METTL25B: variants seen among roughly 807,000 people sequenced by gnomAD.
METTL25B encodes methyltransferase like 25B, also known as methyltransferase-like protein 25B.
METTL25B carries 38 observed loss-of-function variants against 48.4 expected under a neutral mutation model. That is an observed-to-expected ratio of 0.78 (90% CI 0.61 to 1.03). The LOEUF (loss-of-function observed/expected upper bound fraction) is 1.03. Among genes scored for constraint, METTL25B ranks in the 50% least tolerant of loss-of-function variants. METTL25B has a pLI of 0.00. For synonymous variants in METTL25B, 230 were observed against 254.5 expected (o/e 0.90, Z 0.92); for missense variants, 537 against 603.7 (o/e 0.89, Z 1.16).
chr1:156,734,566 C>G lies in METTL25B; in HGVS notation c.1121+73C>G, dbSNP rs1649583736. Reference sequence around the variant, plus strand: ...TTTTTTTTTGAGATGGAGTCTGGCTCTGTTGCCCAGGCTGGAGTGCAGTGG... The same window carrying G: ...TTTTTTTTTGAGATGGAGTCTGGCTGTGTTGCCCAGGCTGGAGTGCAGTGG... On this transcript the variant is annotated intron_variant, in intron 6 of 7. Transcript: ENST00000368216. 41 of 1,436,590 alleles carry G rather than the reference C, an allele frequency of 2.9e-5. No individual in the cohort carries two copies. In the South Asian group the frequency reaches 5.8e-4, roughly 20 times the overall value. The allele number at this position is 1,436,590 out of a possible 1,614,324, so 89.0% of individuals were successfully genotyped here.
At position 156,734,061 on chromosome 1, in the gene METTL25B, A is replaced by T; in HGVS notation, c.689A>T (p.Asp230Val). ...HSPHHVVRWV[D>V]PTALCEELLL... ...CCACACCACGTGGTTAGGTGGGTAG[A>T]CCCCACAGCCCTGTGTGAGGAGCTT... The change falls in exon 6 of 8, where the codon GAC (aspartate) becomes GTC (valine). Residue 230 changes from aspartate (D) to valine (V), a missense_variant. Asp to Val is a radical substitution (Grantham distance 152, BLOSUM62 -3). Coordinates refer to ENST00000368216, the MANE Select transcript of METTL25B (RefSeq NM_015997.4). 6.2e-7 allele frequency: 1 copy of T among 1,613,686 alleles called. No homozygotes were observed. Among genetic ancestry groups the T allele is most frequent in the South Asian group, 1.1e-5 (1 of 91,044 alleles).
Position 156,729,044 on chromosome 1 carries a change from A to T in METTL25B, c.-61A>T. Reference sequence around the variant, plus strand: ...CGTCCGGGTCCTGGACCCGCGTAGTACTGACCCTGGATCCCTGTTCACTGC... The same window carrying T: ...CGTCCGGGTCCTGGACCCGCGTAGTTCTGACCCTGGATCCCTGTTCACTGC... On this transcript the variant is annotated 5_prime_UTR_variant, in exon 1 of 8. Transcript: ENST00000368216. 1.0e-6 allele frequency: 1 copy of T among 985,934 alleles called. No homozygotes were observed. The highest frequency in any genetic ancestry group is 1.6e-6 in the Non-Finnish European group (1 of 643,114). The allele number at this position is 985,934 out of a possible 1,614,324, so 61.1% of individuals were successfully genotyped here.
intron 4 of METTL25B, 80 bp from the exon 5 acceptor site, chr1:156,733,297 G>T: frequency 6.6e-7 from 1 of 1,523,528 alleles, no homozygotes; most frequent in Non-Finnish European, 9.0e-7. Context: ...CTGGGACCCA[G>T]GTGTCCAGGT....
At chr1:156,730,469 A>T (rs770308681) in intron 1 of METTL25B, among the ~76,000 whole-genome samples, 6 of 152,132 alleles carry the variant, frequency 3.9e-5, no homozygotes, top group Non-Finnish European at 7.4e-5. Flanking sequence ...CACACCTGTA[A>T]TCCTAGCACT....
At chr1:156,730,017 T>G (rs1649131119) in intron 1 of METTL25B, among the ~76,000 whole-genome samples, 1 of 152,182 alleles carries the variant, frequency 6.6e-6, no homozygotes, top group Non-Finnish European at 1.5e-5. Flanking sequence ...TGTCCCCACC[T>G]CCGTTGCTGC....
Position 156,729,036 on chromosome 1 carries a change from C to T in METTL25B, c.-69C>T, listed in dbSNP as rs150243672. The T allele has an allele frequency of 5.3e-4, 456 of 861,184 alleles. 2 individuals are homozygous for T. The East Asian group carries it at 0.013, about 24-fold the overall frequency. 53.3% of individuals were successfully genotyped at this position (861,184 alleles called of 1,614,324 possible). The stretch of plus-strand genomic sequence containing the variant: ...TTGAGCCCCGTCCGGGTCCTGGACC[C>T]GCGTAGTACTGACCCTGGATCCCTG... On this transcript the variant is annotated 5_prime_UTR_variant, in exon 1 of 8. Transcript: ENST00000368216.
chr1:156,731,874 G>C lies in METTL25B; in HGVS notation c.112-117G>C, dbSNP rs1649319754. The stretch of plus-strand genomic sequence containing the variant: ...AGGTACCTGCCAGTTACAGGCAGTG[G>C]CCCTATGTGGCAGCAGTGCTGGGAA... On this transcript the variant is annotated intron_variant, in intron 1 of 7. Transcript: ENST00000368216. The C allele has an allele frequency of 2.3e-6, 3 of 1,319,680 alleles. No individual in the cohort carries two copies. In the African/African-American group the frequency reaches 4.3e-5, roughly 19 times the overall value. 81.7% of individuals were successfully genotyped at this position (1,319,680 alleles called of 1,614,324 possible). A position where few individuals can be genotyped will look rare whatever the true frequency, so the allele number is the denominator to read the frequency against.
chr1:156,728,659 C>T lies in METTL25B; in HGVS notation c.-446C>T, dbSNP rs906579883. ...GGGGGCGGGATGCGCTCCCCGGCCC[C>T]TCTAGCCCCGTGGTGGTACAACGCG... is the stretch of plus-strand genomic sequence containing the variant. On this transcript the variant is annotated 5_prime_UTR_variant, in exon 1 of 8. Transcript: ENST00000368216. 4.1e-6 allele frequency: 4 copies of T among 986,768 alleles called. No homozygotes were observed. The highest frequency in any genetic ancestry group is 3.5e-5 in the African/African-American group (2 of 57,256). The allele number at this position is 986,768 out of a possible 1,614,324, so 61.1% of individuals were successfully genotyped here.
Position 156,732,373 on chromosome 1 carries a change from C to T in METTL25B, c.329C>T (p.Ser110Leu), listed in dbSNP as rs1432014517. The change falls in exon 3 of 8, where the codon TCA becomes TTA. Residue 110 changes from serine (S) to leucine (L), a missense_variant. By Grantham distance (145) the Ser-to-Leu change is moderately radical. Coordinates refer to ENST00000368216, the MANE Select transcript of METTL25B (RefSeq NM_015997.4). ...FTRMPGFQTPSEFLENPSQSS... is the reference protein window; with the variant it reads ...FTRMPGFQTPLEFLENPSQSS... ...CGGATGCCTGGCTTTCAGACCCCCTCAGAATTCCTGGAGAACCCCAGCCAG... is the reference window on the plus strand; with the variant it reads ...CGGATGCCTGGCTTTCAGACCCCCTTAGAATTCCTGGAGAACCCCAGCCAG... 1.9e-6 allele frequency: 3 copies of T among 1,614,074 alleles called. No homozygotes were observed. Among genetic ancestry groups the T allele is most frequent in the Non-Finnish European group, 1.7e-6 (2 of 1,180,054 alleles).
intron 2 of METTL25B, 62 bp downstream of exon 2, chr1:156,732,177 T>C (rs1649352649): frequency 6.2e-7 from 1 of 1,610,384 alleles, no homozygotes. Flanking sequence ...AGTGAGCATA[T>C]TGCTCAGAGA....
At chr1:156,733,875 T>TCC (rs1649494901) in intron 5 of METTL25B, 134 bp from the exon 6 acceptor site, 1 of 1,269,312 alleles carries the variant, frequency 7.9e-7, no homozygotes, top group South Asian at 1.4e-5. Context: ...GTCCAGCCCC[T>TCC]CCCGCACCCA....
rs528055334 is a variant in METTL25B at position 156,733,516 on chromosome 1, C to G, written c.632C>G (p.Pro211Arg). Reference sequence around the variant, plus strand: ...CTGGAGAAAGAGGAGAAGAGGAACCCGCAGGTAGGCCAACCCTTCCTGCGA... The same window carrying G: ...CTGGAGAAAGAGGAGAAGAGGAACCGGCAGGTAGGCCAACCCTTCCTGCGA... ...QALEKEEKRN[P>R]QVVQTSPRHS... is the part of the protein sequence containing the mutation. Residue 211 changes from proline to arginine, a missense_variant, in exon 5 of 8, where the codon CCG (proline) becomes CGG (arginine). Physicochemically the swap from Pro to Arg is moderately radical, Grantham distance 103. Coordinates refer to ENST00000368216, the MANE Select transcript of METTL25B (RefSeq NM_015997.4). The G allele has an allele frequency of 6.2e-7, 1 of 1,613,572 alleles. No individual in the cohort carries two copies. Among genetic ancestry groups the G allele is most frequent in the Non-Finnish European group, 8.5e-7 (1 of 1,179,940 alleles).
chr1:156,736,364 T>C (rs1649799738), intron 7 of METTL25B: 1 of 369,360 alleles, frequency 2.7e-6, no homozygotes, highest in Non-Finnish European at 4.9e-6. Flanking sequence ...TCAAAAAAAA[T>C]ATTAAGATTC....
rs746497943 is a variant in METTL25B at position 156,732,238 on chromosome 1, GTGA to G, written c.237-40_237-38del. 23 of 1,610,642 alleles carry G rather than the reference GTGA, an allele frequency of 1.4e-5. No individual in the cohort carries two copies. In the African/African-American group the frequency reaches 2.7e-4, roughly 19 times the overall value. On this transcript the variant is annotated intron_variant, in intron 2 of 7. Coordinates refer to ENST00000368216, the MANE Select transcript of METTL25B (RefSeq NM_015997.4). ...GGGTTGTAAACTGCTGCACTCAGATGTGATGGGACTATTCACTGGAGGCCTCGG... is the reference window on the plus strand; with the variant it reads ...GGGTTGTAAACTGCTGCACTCAGATGTGGGACTATTCACTGGAGGCCTCGG...
intron 5 of METTL25B, 74 bp from the exon 6 acceptor site, chr1:156,733,935 T>C: frequency 5.3e-6 from 8 of 1,522,524 alleles, no homozygotes; most frequent in Non-Finnish European, 7.0e-6. Context: ...GACAGATCCC[T>C]TCCTGTGGCC....
At chr1:156,734,515 G>T (rs1403448797) in intron 6 of METTL25B, 22 bp downstream of exon 6, 2 of 1,530,544 alleles carry the variant, frequency 1.3e-6, no homozygotes, top group Admixed American at 4.6e-5. Context: ...GGACGGGTGG[G>T]GGGCAGTGGA....
At position 156,728,781 on chromosome 1, in the gene METTL25B, G is replaced by A; in HGVS notation, c.-324G>A. ...GAGAGGAGTGTACGGCAAGGGGCGG[G>A]AACTGGAACTTGGCCCGCCTCGTTG... On this transcript the variant is annotated 5_prime_UTR_variant, in exon 1 of 8. Coordinates refer to ENST00000368216, the MANE Select transcript of METTL25B (RefSeq NM_015997.4). The A allele has an allele frequency of 9.5e-7, 1 of 1,057,216 alleles. No individual in the cohort carries two copies. The highest frequency in any genetic ancestry group is 1.2e-6 in the Non-Finnish European group (1 of 866,236). 65.5% of individuals were successfully genotyped at this position (1,057,216 alleles called of 1,614,324 possible). A position where few individuals can be genotyped will look rare whatever the true frequency, so the allele number is the denominator to read the frequency against.
At position 156,734,039 on chromosome 1, in the gene METTL25B, C is replaced by T. The variant is rs763035762; in HGVS notation, c.667C>T (p.His223Tyr). Residue 223 changes from histidine to tyrosine, a missense_variant, in exon 6 of 8, where the codon CAC (histidine) becomes TAC (tyrosine). His to Tyr is a moderately conservative substitution (Grantham distance 83). Coordinates refer to ENST00000368216, the MANE Select transcript of METTL25B (RefSeq NM_015997.4). ...VVQTSPRHSP[H>Y]HVVRWVDPTA... ...CCAAACCAGCCCTCGTCACTCCCCA[C>T]ACCACGTGGTTAGGTGGGTAGACCC... 4 of 1,611,176 alleles carry T rather than the reference C, an allele frequency of 2.5e-6. No individual in the cohort carries two copies. Among genetic ancestry groups the T allele is most frequent in the East Asian group, 4.5e-5 (2 of 44,822 alleles).
intron 2 of METTL25B, 83 bp downstream of exon 2, chr1:156,732,198 G>T (rs1292293305): frequency 6.2e-7 from 1 of 1,608,476 alleles, no homozygotes; most frequent in African/African-American, 1.3e-5. Context: ...GTCTCATAAG[G>T]TCTTCCTGGG....
Sources: gnomAD v4.1 joint callset for allele counts (sites outside exome capture counted in the v4.1 genomes callset) on GRCh38, gnomAD v4.1.1 for gene constraint, MANE v1.5 for transcripts, NCBI Gene and HGNC (gene_info 2026-07-23, HGNC 2026-07-21) for gene names.